The following MZF1 variants were observed in gnomAD, a reference collection of about 807,000 sequenced individuals.
MZF1 encodes the protein zinc finger and SCAN domain-containing protein 6.
Under a neutral mutation model 28.6 loss-of-function variants are expected in MZF1, and 24 were observed. The ratio of observed to expected loss-of-function variants is 0.84; its 90% CI spans 0.61 to 1.18. The LOEUF is 1.18. Ranked by LOEUF, MZF1 falls within the 50% of genes most tolerant of loss-of-function variation. The pLI is 0.00. For missense variants in MZF1, 1,166 were observed against 1,026.4 expected (o/e 1.14, Z -1.86); for synonymous variants, 516 against 432.5 (o/e 1.19, Z -2.40).
At chr19:58,565,729 T>G (rs1568681300) in intron 5 of MZF1, among the ~76,000 whole-genome samples, 1 of 148,832 alleles carries the variant, frequency 6.7e-6, no homozygotes, top group Non-Finnish European at 1.5e-5. Context: ...AGACGGGGTT[T>G]CGCCGTGTTA....
chr19:58,566,843 AATAG>A (rs1262038081), intron 5 of MZF1, among the ~76,000 whole-genome samples: 2 of 152,212 alleles, frequency 1.3e-5, no homozygotes, highest in East Asian at 1.9e-4. Flanking sequence ...TTCATAAATA[AATAG>A]ATAGATAGAT....
chr19:58,569,603 G>A lies in MZF1; in HGVS notation c.581-17C>T, dbSNP rs749844347. On this transcript the variant is annotated splice_polypyrimidine_tract_variant and intron_variant, in intron 3 of 5. Coordinates refer to ENST00000215057, the MANE Select transcript of MZF1 (RefSeq NM_198055.2). Reference sequence around the variant, plus strand: ...CCAGGAAATCTAGAGAGGAAAACTGGTATCAGGCAGCCTGAGTGAGTTTCC... The same window carrying A: ...CCAGGAAATCTAGAGAGGAAAACTGATATCAGGCAGCCTGAGTGAGTTTCC... The A allele has an allele frequency of 3.2e-6, 5 of 1,582,466 alleles. No individual in the cohort carries two copies. Among genetic ancestry groups the A allele is most frequent in the Non-Finnish European group, 4.3e-6 (5 of 1,161,354 alleles).
At position 58,562,934 on chromosome 19, in the gene MZF1, C is replaced by G. The variant is rs750495390; in HGVS notation, c.1343G>C (p.Ser448Thr). 1 of 1,597,270 alleles carries G rather than the reference C, an allele frequency of 6.3e-7. No individual in the cohort carries two copies. Among genetic ancestry groups the G allele is most frequent in the Admixed American group, 1.7e-5 (1 of 59,774 alleles). The stretch of plus-strand genomic sequence containing the variant: ...CAGCAGATTGGAGCGCTGCCGGAAG[C>G]TCTGGCCGCACTCAGCGCAACGGAA... ...QPFRCAECGQ[S>T]FRQRSNLLQH... Residue 448 changes from serine to threonine, a missense_variant, in exon 6 of 6, where the codon AGC (serine) becomes ACC (threonine). Ser to Thr is a moderately conservative substitution (Grantham distance 58). Transcript: ENST00000215057.
intron 5 of MZF1, among the ~76,000 whole-genome samples, chr19:58,565,863 G>A (rs1192178313): frequency 9.4e-5 from 14 of 148,900 alleles, no homozygotes; most frequent in African/African-American, 2.5e-4. Flanking sequence ...GAATGGGGCT[G>A]GGCACGGTGG....
chr19:58,565,626 G>A (rs1018038346), intron 5 of MZF1, among the ~76,000 whole-genome samples: 3 of 151,908 alleles, frequency 2.0e-5, no homozygotes, highest in African/African-American at 7.2e-5. Context: ...TCCGCCTCCC[G>A]GGTTCACGCC....
chr19:58,570,840 T>A, intron 2 of MZF1, 154 bp downstream of exon 2: 1 of 815,402 alleles, frequency 1.2e-6, no homozygotes, highest in Non-Finnish European at 1.9e-6. Context: ...GGAATCCCTC[T>A]GCCCTGGGCA....
rs1043850584 is a variant in MZF1 at position 58,572,613 on chromosome 19, G to A, written c.-41+442C>T. 2.5e-5 allele frequency: 32 copies of A among 1,289,578 alleles called. 1 individual carries two copies. Among genetic ancestry groups the A allele is most frequent in the Non-Finnish European group, 3.1e-5 (31 of 988,802 alleles). 79.9% of individuals were successfully genotyped at this position (1,289,578 alleles called of 1,614,324 possible). ...AGGAAGGAATCTGCGTTTATGAAGG[G>A]GATGGCACCGCAGAATCATTCCCCC... On this transcript the variant is annotated intron_variant, in intron 1 of 5. Transcript: ENST00000215057.
chr19:58,571,682 C>CT (rs11396129), intron 1 of MZF1: 18,884 of 376,010 alleles, frequency 0.05, 709 homozygotes, highest in Admixed American at 0.12. Context: ...CAAACACAGG[C>CT]TTTTTTTTCT....
intron 5 of MZF1, chr19:58,563,748 G>C (rs1058144): frequency 6.9e-6 from 3 of 434,148 alleles, no homozygotes; most frequent in African/African-American, 2.0e-5. Flanking sequence ...GTCTGATTTA[G>C]GTTGGAAAAA....
At chr19:58,568,953 C>T (rs1336010590) in intron 5 of MZF1, 1 of 244,856 alleles carries the variant, frequency 4.1e-6, no homozygotes. Context: ...CAGCAGGATG[C>T]AAGCCCAGGA....
intron 1 of MZF1, 84 bp from the exon 2 acceptor site, chr19:58,571,513 T>G (rs2054163506): frequency 9.6e-6 from 12 of 1,251,630 alleles, no homozygotes; most frequent in Non-Finnish European, 1.3e-5. Context: ...CGTTTGATCC[T>G]CAGACCTACC....
rs770239833 is a variant in MZF1 at position 58,571,231 on chromosome 19, C to T, written c.159G>A (p.Glu53=). The part of the protein sequence containing the change: ...ARLRFRCFRY[E]EATGPQEALA... ...GGGCCTCTTGGGGCCCTGTGGCCTCCTCATAGCGGAAGCACCGGAAACGCA... is the reference window on the plus strand; with the variant it reads ...GGGCCTCTTGGGGCCCTGTGGCCTCTTCATAGCGGAAGCACCGGAAACGCA... Residue 53 remains glutamate (E), a synonymous_variant, in exon 2 of 6, where the codon GAG becomes GAA. Coordinates refer to ENST00000215057, the MANE Select transcript of MZF1 (RefSeq NM_198055.2). 3.1e-6 allele frequency: 5 copies of T among 1,612,686 alleles called. No individual in the cohort carries two copies. The highest frequency in any genetic ancestry group is 1.7e-5 in the Admixed American group (1 of 59,664).
intron 1 of MZF1, chr19:58,572,594 G>T (rs1342351864): frequency 7.8e-7 from 1 of 1,289,756 alleles, no homozygotes; most frequent in Non-Finnish European, 1.0e-6. Context: ...CTTTAGGAAG[G>T]AATCTGCGTT....
At position 58,569,316 on chromosome 19, in the gene MZF1, C is replaced by A. The variant is rs1568684158; in HGVS notation, c.733G>T (p.Ala245Ser). 1 of 1,612,770 alleles carries A rather than the reference C, an allele frequency of 6.2e-7. No homozygotes were observed. Among genetic ancestry groups the A allele is most frequent in the Non-Finnish European group, 8.5e-7 (1 of 1,179,350 alleles). Residue 245 changes from alanine to serine, a missense_variant, in exon 5 of 6, where the codon GCC (alanine) becomes TCC (serine). Ala to Ser is a moderately conservative substitution (Grantham distance 99). Transcript: ENST00000215057. ...CCCCCAGCTTCCTCATGCCACAGGG[C>A]CCTGGGGTGCTCCCTCCATGAGGGA... ...EGPSWREHPR[A>S]LWHEEAGGIF...
rs531104540 is a variant in MZF1 at position 58,562,487 on chromosome 19, A to G, written c.1790T>C (p.Phe597Ser). 1 of 1,609,790 alleles carries G rather than the reference A, an allele frequency of 6.2e-7. No homozygotes were observed. The highest frequency in any genetic ancestry group is 1.7e-5 in the Admixed American group (1 of 59,490). ...GCGCTGGCCACACTCGGGGCAGGCA[A>G]AGGGTTTCTCGCCCGTGTGTACGCG... Reference protein sequence around the residue: ...HLRVHTGEKPFACPECGQRFS... With the variant: ...HLRVHTGEKPSACPECGQRFS... The change falls in exon 6 of 6, where the codon TTT (phenylalanine) becomes TCT (serine). Residue 597 changes from phenylalanine to serine, a missense_variant. Phe to Ser is a radical substitution (Grantham distance 155). Coordinates refer to ENST00000215057, the MANE Select transcript of MZF1 (RefSeq NM_198055.2).
At position 58,562,112 on chromosome 19, in the gene MZF1, G is replaced by A; in HGVS notation, c.2165C>T (p.Thr722Ile). Reference protein sequence around the residue: ...QDCGRRFHQSTKLIQHQRVHS... With the variant: ...QDCGRRFHQSIKLIQHQRVHS... Reference sequence around the variant, plus strand: ...GACGCGCTGGTGCTGAATGAGCTTGGTGCTCTGGTGGAAGCGGCGGCCACA... The same window carrying A: ...GACGCGCTGGTGCTGAATGAGCTTGATGCTCTGGTGGAAGCGGCGGCCACA... Residue 722 changes from threonine to isoleucine, a missense_variant, in exon 6 of 6, where the codon ACC becomes ATC. Thr to Ile is a moderately conservative substitution (Grantham distance 89). Coordinates refer to ENST00000215057, the MANE Select transcript of MZF1 (RefSeq NM_198055.2). 6.3e-7 allele frequency: 1 copy of A among 1,587,848 alleles called. No homozygotes were observed. Among genetic ancestry groups the A allele is most frequent in the Non-Finnish European group, 8.6e-7 (1 of 1,168,742 alleles).
At position 58,569,141 on chromosome 19, in the gene MZF1, G is replaced by C. The variant is rs113966787; in HGVS notation, c.772+136C>G. ...ATGCTAGAGGAGGTTGAACCTTATA[G>C]GGGATGATCTAGGGAATGGGGGAAC... On this transcript the variant is annotated intron_variant, in intron 5 of 5. Transcript: ENST00000215057. The C allele has an allele frequency of 2.3e-3, 2,793 of 1,228,134 alleles. 45 individuals are homozygous for C. In the African/African-American group the frequency reaches 0.034, roughly 15 times the overall value. 76.1% of individuals were successfully genotyped at this position (1,228,134 alleles called of 1,614,324 possible).
chr19:58,564,549 T>G (rs1406477594), intron 5 of MZF1: 1 of 152,184 alleles, frequency 6.6e-6, no homozygotes, highest in East Asian at 1.9e-4. Context: ...AAATGCACCT[T>G]AGGGCTGAAC....
In MZF1 at chr19:58,563,487, C is replaced by A. The variant is rs757896533; in HGVS notation, c.790G>T (p.Gly264Cys). ...CTACCTGGACCTGCGGAGATGCTGC[C>A]TAGCTGCAGCGCGAACCCTGCATAC... is the stretch of plus-strand genomic sequence containing the variant. ...IFSPGFALQL[G>C]SISAGPGSVS... is the part of the protein sequence containing the mutation. Residue 264 changes from glycine (G) to cysteine (C), a missense_variant, in exon 6 of 6, where the codon GGC (glycine) becomes TGC (cysteine). Coordinates refer to ENST00000215057, the MANE Select transcript of MZF1 (RefSeq NM_198055.2). 26 of 1,551,380 alleles carry A rather than the reference C, an allele frequency of 1.7e-5. No individual in the cohort carries two copies. The highest frequency in any genetic ancestry group is 2.2e-5 in the Non-Finnish European group (25 of 1,145,328).
Sources: gnomAD v4.1 joint callset for allele counts (sites outside exome capture counted in the v4.1 genomes callset) on GRCh38, gnomAD v4.1.1 for gene constraint, MANE v1.5 for transcripts, NCBI Gene and HGNC (gene_info 2026-07-23, HGNC 2026-07-21) for gene names.